IQSEC1: variants seen among roughly 807,000 people sequenced by gnomAD.
The protein encoded by IQSEC1 is IQ motif and SEC7 domain-containing protein 1.
In IQSEC1, 31 loss-of-function variants were observed where a neutral mutation model predicts 91.0. The ratio of observed to expected loss-of-function variants is 0.34; its 90% confidence interval spans 0.26 to 0.46. IQSEC1 has a LOEUF of 0.46. Ranked by LOEUF, IQSEC1 falls within the 20% of genes least tolerant of loss-of-function variation. The probability of loss-of-function intolerance (pLI) is 1.00; values close to 1 mark genes in which losing one functional copy is unlikely to be tolerated. For missense variants in IQSEC1, 1,388 were observed against 1,575.6 expected, an observed-to-expected ratio of 0.88 and a Z score of 2.02; for synonymous variants, 699 against 662.6, an observed-to-expected ratio of 1.05 and a Z score of -0.84.
intron 1 of IQSEC1, among the ~76,000 whole-genome samples, chr3:13,192,073 C>A (rs566577399): frequency 6.6e-6 from 1 of 152,252 alleles, no homozygotes; most frequent in East Asian, 1.9e-4. Flanking sequence ...CGGTGGCTCA[C>A]GCCTGTAATC....
At chr3:13,063,086 C>T (rs1022386160) in intron 1 of IQSEC1, among the ~76,000 whole-genome samples, 2 of 152,216 alleles carry the variant, frequency 1.3e-5, no homozygotes, top group African/African-American at 4.8e-5. Flanking sequence ...ATGGGATGCA[C>T]AGGGGAGGGA....
chr3:12,965,023 C>A (rs2125506259), intron 1 of IQSEC1, among the ~76,000 whole-genome samples: 1 of 152,294 alleles, frequency 6.6e-6, no homozygotes, highest in East Asian at 1.9e-4. Flanking sequence ...TGAGTGAAAG[C>A]CTGAAAATCC....
chr3:13,240,693 T>C (rs1695007202), intron 1 of IQSEC1, among the ~76,000 whole-genome samples: 1 of 152,210 alleles, frequency 6.6e-6, no homozygotes, highest in Admixed American at 6.5e-5. Flanking sequence ...TCTAACTCCC[T>C]GTCAGGACAC....
chr3:13,075,428 C>T (rs1017428642), upstream of IQSEC1, among the ~76,000 whole-genome samples: 7 of 152,220 alleles, frequency 4.6e-5, no homozygotes, highest in Non-Finnish European at 7.3e-5. Context: ...GCTCAACTAG[C>T]GATTCTCTTC....
intron 1 of IQSEC1, among the ~76,000 whole-genome samples, chr3:13,012,834 T>A (rs766237991): frequency 3.3e-5 from 5 of 152,192 alleles, no homozygotes; most frequent in Non-Finnish European, 5.9e-5. Context: ...GCCCGTTAGG[T>A]TTGGATTTTC....
At chr3:13,164,971 C>T (rs1183420851) in intron 1 of IQSEC1, among the ~76,000 whole-genome samples, 2 of 152,208 alleles carry the variant, frequency 1.3e-5, no homozygotes, top group Non-Finnish European at 2.9e-5. Flanking sequence ...ATTGCCTTTT[C>T]AGTAACGTTC....
chr3:13,079,558 A>C (rs1705617140), intron 2 of IQSEC1, among the ~76,000 whole-genome samples: 1 of 152,214 alleles, frequency 6.6e-6, no homozygotes, highest in Non-Finnish European at 1.5e-5. Context: ...TCGTGGAGAC[A>C]GAGAACATCC....
At chr3:13,248,399 G>A (rs1261703481) in intron 1 of IQSEC1, among the ~76,000 whole-genome samples, 1 of 152,188 alleles carries the variant, frequency 6.6e-6, no homozygotes, top group Non-Finnish European at 1.5e-5. Context: ...TCCCACCTGT[G>A]CCCAGGTCCT....
intron 12 of IQSEC1, among the ~76,000 whole-genome samples, chr3:12,904,809 T>C (rs1353599745): frequency 6.6e-6 from 1 of 152,238 alleles, no homozygotes; most frequent in Admixed American, 6.5e-5. Context: ...GGCTGGCCTA[T>C]AGCTTCTGAC....
intron 2 of IQSEC1, among the ~76,000 whole-genome samples, chr3:13,127,646 A>C (rs1576262543): frequency 6.6e-6 from 1 of 152,288 alleles, no homozygotes; most frequent in Admixed American, 6.5e-5. Flanking sequence ...TAATAAGCTT[A>C]TGTATGTCTA....
intron 1 of IQSEC1, among the ~76,000 whole-genome samples, chr3:13,071,856 C>T (rs112179640): frequency 6.6e-5 from 10 of 150,968 alleles, no homozygotes; most frequent in East Asian, 2.0e-4. Context: ...CAGAGGCCAC[C>T]GCCATCCCCC....
intron 2 of IQSEC1, among the ~76,000 whole-genome samples, chr3:13,122,268 C>T (rs1706438411): frequency 1.3e-5 from 2 of 152,248 alleles, no homozygotes; most frequent in South Asian, 4.1e-4. Flanking sequence ...GGGCGGAGAG[C>T]ACAGCCCCTG....
At position 12,915,743 on chromosome 3, in the gene IQSEC1, G is replaced by A; in HGVS notation, c.2021-10C>T. The A allele has an allele frequency of 1.2e-6, 2 of 1,612,810 alleles. No homozygotes were observed. The highest frequency in any genetic ancestry group is 1.7e-6 in the Non-Finnish European group (2 of 1,179,008). On this transcript the variant is annotated splice_polypyrimidine_tract_variant and intron_variant, in intron 6 of 13. Transcript: ENST00000613206. Reference sequence around the variant, plus strand: ...TCACCATCGTCCACACCTGGGTAGGGGATGCAGCTGGATATCAGGGTGGGC... The same window carrying A: ...TCACCATCGTCCACACCTGGGTAGGAGATGCAGCTGGATATCAGGGTGGGC...
At position 13,072,976 on chromosome 3, in the gene IQSEC1, T is replaced by G. The variant is rs1463973368; in HGVS notation, c.23+16A>C. ...TGGCCTCTGGCTTCAGGCAGAAACC[T>G]GCCACATATACTCACAAATAGCGTC... On this transcript the variant is annotated intron_variant, in intron 1 of 13. Coordinates refer to ENST00000613206, the MANE Select transcript of IQSEC1 (RefSeq NM_001134382.3). 6.4e-7 allele frequency: 1 copy of G among 1,551,196 alleles called. No individual in the cohort carries two copies. The highest frequency in any genetic ancestry group is 2.0e-5 in the Admixed American group (1 of 51,014).
At chr3:13,036,739 T>C (rs1207494920) in intron 1 of IQSEC1, among the ~76,000 whole-genome samples, 3 of 152,194 alleles carry the variant, frequency 2.0e-5, no homozygotes, top group South Asian at 2.1e-4. Flanking sequence ...AGCTGGCAGT[T>C]TGGGGAGCTT....
In IQSEC1 at chr3:12,998,627, A is replaced by T. The variant is rs111573880; in HGVS notation, c.24-56762T>A. ...TGTAGCAAGGGTCCCTCTTAAAAAA[A>T]TTTTTTTTAAATAAAAATAAAAATC... On this transcript the variant is annotated intron_variant, in intron 1 of 13. Transcript: ENST00000613206. Among the ~76,000 whole-genome samples the T allele has an allele frequency of 9.4e-3, 1,431 of 152,146 alleles. 17 individuals are homozygous for T. The highest frequency in any genetic ancestry group is 0.031 in the African/African-American group (1,268 of 41,484).
intron 2 of IQSEC1, among the ~76,000 whole-genome samples, chr3:13,099,135 C>G (rs1706015007): frequency 6.6e-6 from 1 of 152,184 alleles, no homozygotes; most frequent in Non-Finnish European, 1.5e-5. Flanking sequence ...GGTGGCTAGA[C>G]TAGCCTGTCC....
At chr3:13,104,577 T>TC (rs1706115777) in intron 2 of IQSEC1, among the ~76,000 whole-genome samples, 1 of 152,118 alleles carries the variant, frequency 6.6e-6, no homozygotes, top group Non-Finnish European at 1.5e-5. Flanking sequence ...CCATCCTCTT[T>TC]CCCCTGTGCA....
At chr3:12,947,251 T>G (rs532952334) in intron 1 of IQSEC1, among the ~76,000 whole-genome samples, 1 of 152,256 alleles carries the variant, frequency 6.6e-6, no homozygotes, top group South Asian at 2.1e-4. Context: ...TCTCATGTGG[T>G]TAGGGCTGCT....
Sources: allele counts gnomAD v4.1 joint callset (sites outside exome capture counted in the v4.1 genomes callset), GRCh38; gene constraint gnomAD v4.1.1; transcripts MANE v1.5; gene names NCBI Gene and HGNC (gene_info 2026-07-23, HGNC 2026-07-21).